Variants in STPG2 observed in about 807,000 individuals in gnomAD.
STPG2 encodes sperm-tail PG-rich repeat-containing protein 2.
In STPG2, 56 loss-of-function variants were observed where a neutral mutation model predicts 54.2. That is an observed-to-expected ratio of 1.03 (90% CI 0.83 to 1.29). The LOEUF (loss-of-function observed/expected upper bound fraction) is 1.29. Among genes scored for constraint, STPG2 ranks in the 50% most tolerant of loss-of-function variants. The pLI, the probability that STPG2 is intolerant of heterozygous loss-of-function variation, is 0.00. For synonymous variants in STPG2, 200 were observed against 181.8 expected, an observed-to-expected ratio of 1.10 and a Z score of -0.81; for missense variants, 596 against 544.9, an observed-to-expected ratio of 1.09 and a Z score of -0.93.
intron 7 of STPG2, among the ~76,000 whole-genome samples, chr4:97,967,185 C>CAAAAAAAAAAAA (rs58042990): frequency 9.3e-6 from 1 of 107,200 alleles, no homozygotes; most frequent in Non-Finnish European, 1.8e-5. Flanking sequence ...AAATGGTAAG[C>CAAAAAAAAAAAA]AAAAAAAAAA....
intron 7 of STPG2, among the ~76,000 whole-genome samples, chr4:97,944,810 A>T (rs930326179): frequency 1.3e-5 from 2 of 152,114 alleles, no homozygotes; most frequent in Non-Finnish European, 2.9e-5. Flanking sequence ...CACCTAATGT[A>T]TCTGTGACAT....
At chr4:97,985,103 A>C (rs543175624) in intron 5 of STPG2, among the ~76,000 whole-genome samples, 2 of 152,340 alleles carry the variant, frequency 1.3e-5, no homozygotes, top group African/African-American at 2.4e-5. Context: ...GTAAATATTA[A>C]CACTACTAAA....
At chr4:97,486,851 A>T (rs1578336674) in intron 4 of STPG2, among the ~76,000 whole-genome samples, 1 of 127,472 alleles carries the variant, frequency 7.8e-6, no homozygotes, top group African/African-American at 3.3e-5. Flanking sequence ...ATATATATGT[A>T]TGTATACAAA....
intron 7 of STPG2, among the ~76,000 whole-genome samples, chr4:97,966,718 T>C (rs1435307165): frequency 2.6e-5 from 4 of 152,140 alleles, no homozygotes; most frequent in Non-Finnish European, 5.9e-5. Context: ...GGGACAATAT[T>C]CAATATTCTG....
At chr4:97,826,291 G>A (rs929575080) in intron 9 of STPG2, among the ~76,000 whole-genome samples, 3 of 152,154 alleles carry the variant, frequency 2.0e-5, no homozygotes, top group Non-Finnish European at 2.9e-5. Context: ...GAAGACATGG[G>A]AATGTGAATT....
At chr4:98,043,394 T>C (rs1737025357) in intron 5 of STPG2, among the ~76,000 whole-genome samples, 1 of 152,122 alleles carries the variant, frequency 6.6e-6, no homozygotes, top group South Asian at 2.1e-4. Flanking sequence ...ATTTGTCTTG[T>C]AGTTCTTTTG....
intron 9 of STPG2, among the ~76,000 whole-genome samples, chr4:97,806,293 GC>G (rs1727559983): frequency 6.6e-6 from 1 of 152,102 alleles, no homozygotes; most frequent in Admixed American, 6.6e-5. Context: ...ACATGTTCTT[GC>G]CTATAAATGG....
intron 10 of STPG2, among the ~76,000 whole-genome samples, chr4:97,687,806 G>T (rs2148985512): frequency 6.6e-6 from 1 of 152,086 alleles, no homozygotes; most frequent in South Asian, 2.1e-4. Flanking sequence ...AAAAGGAAAA[G>T]AACCTGTATA....
At chr4:97,864,002 AC>A (rs1366372820) in intron 8 of STPG2, among the ~76,000 whole-genome samples, 8 of 152,270 alleles carry the variant, frequency 5.3e-5, no homozygotes, top group Admixed American at 3.9e-4. Flanking sequence ...TACTCCATGG[AC>A]AAAAACTGGA....
At chr4:97,735,501 A>G (rs1724952382) in intron 9 of STPG2, among the ~76,000 whole-genome samples, 2 of 150,918 alleles carry the variant, frequency 1.3e-5, no homozygotes, top group Admixed American at 1.3e-4. Context: ...TCAGTGCTAT[A>G]TAATTCATCC....
At chr4:97,854,639 T>A (rs1006923569) in intron 8 of STPG2, among the ~76,000 whole-genome samples, 2 of 151,966 alleles carry the variant, frequency 1.3e-5, no homozygotes, top group African/African-American at 4.8e-5. Flanking sequence ...AAATGGCAGG[T>A]ATCAAGGTAT....
chr4:97,454,798 G>A (rs1452333472), intron 4 of STPG2, among the ~76,000 whole-genome samples: 1 of 152,028 alleles, frequency 6.6e-6, no homozygotes, highest in East Asian at 1.9e-4. Flanking sequence ...TTATGTTGTT[G>A]TTTTATATAA....
At chr4:98,048,008 G>T (rs1038406408) in intron 5 of STPG2, among the ~76,000 whole-genome samples, 1 of 152,110 alleles carries the variant, frequency 6.6e-6, no homozygotes, top group African/African-American at 2.4e-5. Flanking sequence ...TCAACTAAAC[G>T]TAGTATTAAG....
intron 9 of STPG2, among the ~76,000 whole-genome samples, chr4:97,811,339 A>T (rs1355531594): frequency 6.6e-6 from 1 of 152,138 alleles, no homozygotes; most frequent in Non-Finnish European, 1.5e-5. Context: ...TCAGAACCCA[A>T]TATCTACACA....
chr4:97,583,073 A>G (rs1732901111), intron 10 of STPG2, among the ~76,000 whole-genome samples: 1 of 151,948 alleles, frequency 6.6e-6, no homozygotes, highest in African/African-American at 2.4e-5. Flanking sequence ...AAGTCTCATC[A>G]TTTGTCAACT....
chr4:97,633,001 G>C (rs1368921117), intron 10 of STPG2, among the ~76,000 whole-genome samples: 2 of 152,056 alleles, frequency 1.3e-5, no homozygotes, highest in African/African-American at 2.4e-5. Context: ...TAGGTAGGTA[G>C]ATCAATAGAT....
chr4:97,764,483 A>G (rs1725983016), intron 9 of STPG2, among the ~76,000 whole-genome samples: 1 of 152,162 alleles, frequency 6.6e-6, no homozygotes, highest in Non-Finnish European at 1.5e-5. Context: ...TTGTTTTCTG[A>G]AGGTTAAAGG....
At chr4:98,103,397 T>C (rs932864777) in intron 5 of STPG2, among the ~76,000 whole-genome samples, 3 of 152,118 alleles carry the variant, frequency 2.0e-5, no homozygotes, top group Non-Finnish European at 2.9e-5. Context: ...ATCCTAGCAC[T>C]TTGGGAGGCT....
intron 3 of STPG2, among the ~76,000 whole-genome samples, chr4:98,109,559 C>A (rs1739286923): frequency 2.0e-5 from 3 of 152,116 alleles, no homozygotes; most frequent in Admixed American, 1.3e-4. Flanking sequence ...CCAATATGAA[C>A]AGCTTTGCTC....
Sources: allele counts gnomAD v4.1 joint callset (sites outside exome capture counted in the v4.1 genomes callset), GRCh38; gene constraint gnomAD v4.1.1; transcripts MANE v1.5; gene names NCBI Gene and HGNC (gene_info 2026-07-23, HGNC 2026-07-21).